Variants in TCF25 observed in about 807,000 individuals in gnomAD.
The protein encoded by TCF25 is TCF25 ribosome quality control complex subunit.
Under a neutral mutation model 83.1 loss-of-function variants are expected in TCF25, and 41 were observed. The ratio of observed to expected loss-of-function variants is 0.49; its 90% CI spans 0.38 to 0.64. The LOEUF is 0.64. Among genes scored for constraint, TCF25 ranks in the 30% least tolerant of loss-of-function variants. TCF25 has a pLI of 0.00. For synonymous variants in TCF25, 458 were observed against 365.0 expected (o/e 1.25, Z -2.90); for missense variants, 979 against 914.5 (o/e 1.07, Z -0.91).
At position 89,880,565 on chromosome 16, in the gene TCF25, C is replaced by T. The variant is rs142290271; in HGVS notation, c.193-2786C>T. 2.8e-3 allele frequency among the ~76,000 whole-genome samples: 430 copies of T among 151,110 alleles called. 3 individuals are homozygous for T. Among genetic ancestry groups the T allele is most frequent in the African/African-American group, 0.01 (416 of 41,092 alleles). On this transcript the variant is annotated intron_variant, in intron 1 of 17. Coordinates refer to ENST00000263346, the MANE Select transcript of TCF25 (RefSeq NM_014972.3). ...TGCGATTGCTCTCCAGCCTGGGCAA[C>T]AGAGCAAGACTCCATCTCAAAAAAA...
chr16:89,878,891 T>A (rs1024114292), intron 1 of TCF25, among the ~76,000 whole-genome samples: 3 of 152,220 alleles, frequency 2.0e-5, no homozygotes, highest in Non-Finnish European at 2.9e-5. Flanking sequence ...TCTGCCCACC[T>A]CTGCCTCCCA....
chr16:89,893,898 T>C (rs371627082), intron 7 of TCF25, 40 bp downstream of exon 7: 46 of 1,569,566 alleles, frequency 2.9e-5, no homozygotes, highest in Non-Finnish European at 3.2e-5. Context: ...GCAGGGGCCA[T>C]GTAGCCACCA....
In TCF25 at chr16:89,893,876, C is replaced by T. The variant is rs771930719; in HGVS notation, c.828+18C>T. The T allele has an allele frequency of 5.2e-5, 82 of 1,590,410 alleles. No individual in the cohort carries two copies. In the Middle Eastern group the frequency reaches 2.0e-3, roughly 39 times the overall value. On this transcript the variant is annotated intron_variant, in intron 7 of 17. Transcript: ENST00000263346. ...ACATCGTGGTGCGTGGTCCCTGCAG[C>T]CCCTGACAGGAGCAGGGGCCATGTA...
chr16:89,903,385 A>G (rs1161256315), intron 12 of TCF25, among the ~76,000 whole-genome samples: 9 of 152,178 alleles, frequency 5.9e-5, no homozygotes, highest in Non-Finnish European at 1.2e-4. Context: ...TAAAACATCC[A>G]ACCGGCCGGG....
intron 11 of TCF25, 111 bp downstream of exon 11, chr16:89,898,983 T>TC: frequency 9.6e-7 from 1 of 1,045,500 alleles, no homozygotes; most frequent in Non-Finnish European, 1.4e-6. Flanking sequence ...GAAACGATAA[T>TC]CGTCTGAGGG....
At chr16:89,875,244 G>C (rs913513233) in intron 1 of TCF25, among the ~76,000 whole-genome samples, 3 of 152,174 alleles carry the variant, frequency 2.0e-5, no homozygotes, top group Non-Finnish European at 4.4e-5. Flanking sequence ...TTCTTTGGTA[G>C]TGAAATGCAG....
intron 1 of TCF25, 69 bp from the exon 2 acceptor site, chr16:89,883,282 A>C: frequency 1.3e-6 from 2 of 1,570,358 alleles, no homozygotes; most frequent in Non-Finnish European, 1.7e-6. Flanking sequence ...ACATCTCACT[A>C]TTCATATCTC....
At chr16:89,881,787 C>A (rs1597275576) in intron 1 of TCF25, among the ~76,000 whole-genome samples, 1 of 151,974 alleles carries the variant, frequency 6.6e-6, no homozygotes, top group Non-Finnish European at 1.5e-5. Context: ...TGGAATCTCG[C>A]CTTATCACCC....
intron 8 of TCF25, among the ~76,000 whole-genome samples, chr16:89,895,759 T>A (rs2144144899): frequency 6.6e-6 from 1 of 152,354 alleles, no homozygotes; most frequent in Non-Finnish European, 1.5e-5. Flanking sequence ...TGGCAGCAGT[T>A]GTGCCTCATG....
At chr16:89,907,458 A>ACCTCCCT (rs1487590155) in intron 16 of TCF25, 136 bp downstream of exon 16, 1 of 41,124 alleles carries the variant, frequency 2.4e-5, no homozygotes, top group African/African-American at 2.8e-4. Flanking sequence ...CCTGGCTCCC[A>ACCTCCCT]CCTCCCTCCT....
intron 17 of TCF25, among the ~76,000 whole-genome samples, 197 bp from the exon 18 acceptor site, chr16:89,910,883 A>G (rs2045499518): frequency 6.6e-6 from 1 of 152,208 alleles, no homozygotes. Flanking sequence ...AGCCGGCTTG[A>G]TCCCACTCTG....
intron 5 of TCF25, among the ~76,000 whole-genome samples, chr16:89,888,351 G>T (rs112108657): frequency 0.046 from 6,942 of 152,090 alleles, 555 homozygotes; most frequent in African/African-American, 0.16. Context: ...ACTTTGGGAG[G>T]CCAAGGCGGG....
rs1567735972 is a variant in TCF25, at chr16:89,905,107, GGTT to G, written c.1628+13_1628+15del. The G allele has an allele frequency of 1.3e-6, 2 of 1,579,686 alleles. No individual in the cohort carries two copies. Among genetic ancestry groups the G allele is most frequent in the East Asian group, 4.5e-5 (2 of 44,082 alleles). Reference sequence around the variant, plus strand: ...AGCCTGTGAGAACCGGTGAGCTAGGGGTTGACACAAGCCCTGCCACGCCCCCTC... The same window carrying G: ...AGCCTGTGAGAACCGGTGAGCTAGGGGACACAAGCCCTGCCACGCCCCCTC... On this transcript the variant is annotated intron_variant, in intron 14 of 17. Transcript: ENST00000263346.
intron 2 of TCF25, chr16:89,883,785 G>A (rs978742509): frequency 3.9e-5 from 14 of 363,040 alleles, no homozygotes; most frequent in Middle Eastern, 7.8e-4. Context: ...AGCCAACCGC[G>A]CACGTGTGTC....
Position 89,883,224 on chromosome 16 carries a change from G to A in TCF25, c.193-127G>A, listed in dbSNP as rs1187675351. 13 of 1,274,916 alleles carry A rather than the reference G, an allele frequency of 1.0e-5. No homozygotes were observed. The East Asian group carries it at 1.2e-4, about 12-fold the overall frequency. 79.0% of individuals were successfully genotyped at this position (1,274,916 alleles called of 1,614,324 possible). ...AGTCTCGGGTTCTTGCATCTTTCCCGTCCAGCGTCTCGCACTGACCCTGGG... is the reference window on the plus strand; with the variant it reads ...AGTCTCGGGTTCTTGCATCTTTCCCATCCAGCGTCTCGCACTGACCCTGGG... On this transcript the variant is annotated intron_variant, in intron 1 of 17. Transcript: ENST00000263346.
intron 1 of TCF25, among the ~76,000 whole-genome samples, chr16:89,880,138 G>A (rs555055021): frequency 7.7e-6 from 1 of 130,694 alleles, no homozygotes; most frequent in East Asian, 3.5e-4. Context: ...TACACAGGCA[G>A]GCTCCTGAGC....
chr16:89,904,646 C>T (rs760873591), intron 13 of TCF25: 8 of 541,830 alleles, frequency 1.5e-5, no homozygotes, highest in Non-Finnish European at 2.7e-5. Flanking sequence ...ATCCCCTGGC[C>T]CTCCAGGGCT....
chr16:89,903,502 C>G (rs1256310969), intron 12 of TCF25, among the ~76,000 whole-genome samples: 1 of 152,164 alleles, frequency 6.6e-6, no homozygotes, highest in Non-Finnish European at 1.5e-5. Context: ...GAAACCCTTT[C>G]TCTACCAAAA....
At chr16:89,878,936 C>T (rs2042390198) in intron 1 of TCF25, among the ~76,000 whole-genome samples, 1 of 152,228 alleles carries the variant, frequency 6.6e-6, no homozygotes, top group South Asian at 2.1e-4. Flanking sequence ...CCACCGCGCC[C>T]AGCCAGTAAT....
Sources: gnomAD v4.1 joint callset for allele counts (sites outside exome capture counted in the v4.1 genomes callset) on GRCh38, gnomAD v4.1.1 for gene constraint, MANE v1.5 for transcripts, NCBI Gene and HGNC (gene_info 2026-07-23, HGNC 2026-07-21) for gene names.